Variants in ALX1 observed in about 807,000 individuals in gnomAD.
The protein encoded by ALX1 is ALX homeobox protein 1.
ALX1 carries 19 observed loss-of-function variants against 31.7 expected under a neutral mutation model. That is an observed-to-expected ratio of 0.60 (90% CI 0.42 to 0.88). ALX1 has a LOEUF of 0.88. Among genes scored for constraint, ALX1 ranks in the 40% least tolerant of loss-of-function variants. The probability of loss-of-function intolerance (pLI) is 0.00; values close to 1 mark genes in which losing one functional copy is unlikely to be tolerated. For missense variants in ALX1, 415 were observed against 407.8 expected (o/e 1.02, Z -0.15); for synonymous variants, 153 against 148.8 (o/e 1.03, Z -0.20).
chr12:85,286,258 T>C (rs894205140), intron 2 of ALX1, among the ~76,000 whole-genome samples: 3 of 151,952 alleles, frequency 2.0e-5, no homozygotes, highest in Non-Finnish European at 2.9e-5. Flanking sequence ...TATTATAATA[T>C]GTAATCTCAT....
intron 3 of ALX1, among the ~76,000 whole-genome samples, chr12:85,297,415 G>A (rs1896904770): frequency 1.3e-5 from 2 of 151,792 alleles, no homozygotes; most frequent in South Asian, 4.1e-4. Flanking sequence ...AAAAGGATTT[G>A]GGGGTTGTAT....
intron 1 of ALX1, among the ~76,000 whole-genome samples, chr12:85,282,102 TC>T (rs1264346205): frequency 1.3e-5 from 2 of 152,006 alleles, no homozygotes; most frequent in Admixed American, 6.6e-5. Flanking sequence ...ATGCTTCCCC[TC>T]CCCCATCCCT....
intron 1 of ALX1, among the ~76,000 whole-genome samples, chr12:85,283,104 A>G (rs1037336371): frequency 5.9e-5 from 9 of 152,206 alleles, no homozygotes; most frequent in African/African-American, 1.9e-4. Context: ...GGAGGAGGAT[A>G]ATAACTTTCA....
At chr12:85,291,931 C>A (rs1049795924) in intron 3 of ALX1, among the ~76,000 whole-genome samples, 1 of 151,016 alleles carries the variant, frequency 6.6e-6, no homozygotes, top group African/African-American at 2.4e-5. Flanking sequence ...AGCTTTTAGA[C>A]CTTTGGCAAA....
chr12:85,294,136 T>C (rs1269323936), intron 3 of ALX1, among the ~76,000 whole-genome samples: 6 of 151,246 alleles, frequency 4.0e-5, no homozygotes, highest in African/African-American at 1.5e-4. Context: ...TTAAAAATTT[T>C]CTGTACAAAT....
At chr12:85,289,243 T>A (rs1421544339) in intron 3 of ALX1, among the ~76,000 whole-genome samples, 1 of 151,240 alleles carries the variant, frequency 6.6e-6, no homozygotes, top group East Asian at 1.9e-4. Flanking sequence ...TTCAGAATAG[T>A]GCATATTCTG....
intron 3 of ALX1, among the ~76,000 whole-genome samples, chr12:85,287,526 A>G (rs1335392574): frequency 6.6e-6 from 1 of 151,228 alleles, no homozygotes; most frequent in Non-Finnish European, 1.5e-5. Flanking sequence ...CTTAAAACAG[A>G]GATAGAATTA....
chr12:85,287,679 T>G (rs1896767055), intron 3 of ALX1, among the ~76,000 whole-genome samples: 1 of 151,608 alleles, frequency 6.6e-6, no homozygotes. Flanking sequence ...ATATATTTCT[T>G]TTTCATATTT....
intron 3 of ALX1, among the ~76,000 whole-genome samples, chr12:85,291,892 G>A (rs553202752): frequency 4.0e-5 from 6 of 151,122 alleles, no homozygotes; most frequent in African/African-American, 1.4e-4. Flanking sequence ...AGAGAGGTGT[G>A]GGTTCAAGTT....
intron 3 of ALX1, among the ~76,000 whole-genome samples, chr12:85,300,470 A>C (rs2137395558): frequency 6.6e-6 from 1 of 152,178 alleles, no homozygotes; most frequent in South Asian, 2.1e-4. Flanking sequence ...CCATGTTTTA[A>C]AATTCTAACT....
chr12:85,287,984 G>A (rs1896770994), intron 3 of ALX1, among the ~76,000 whole-genome samples: 1 of 151,448 alleles, frequency 6.6e-6, no homozygotes, highest in Admixed American at 6.6e-5. Context: ...TACAAATTCA[G>A]TTCTTTAATG....
intron 3 of ALX1, among the ~76,000 whole-genome samples, chr12:85,291,417 A>G (rs1448727745): frequency 6.6e-6 from 1 of 151,136 alleles, no homozygotes; most frequent in Non-Finnish European, 1.5e-5. Context: ...CTTAAATTTA[A>G]AAAGTGAGCA....
chr12:85,297,741 C>A (rs971566149), intron 3 of ALX1, among the ~76,000 whole-genome samples: 2 of 151,524 alleles, frequency 1.3e-5, no homozygotes, highest in Admixed American at 6.6e-5. Context: ...CTGAGCCATA[C>A]TAAATGAATC....
chr12:85,297,038 C>T (rs976701984), intron 3 of ALX1, among the ~76,000 whole-genome samples: 4 of 151,658 alleles, frequency 2.6e-5, no homozygotes, highest in Non-Finnish European at 4.4e-5. Flanking sequence ...ATAATATGCA[C>T]ATGGATTTAT....
intron 3 of ALX1, among the ~76,000 whole-genome samples, chr12:85,297,666 T>C (rs886925522): frequency 5.3e-5 from 8 of 151,628 alleles, no homozygotes; most frequent in Admixed American, 3.3e-4. Context: ...TAGTGTTTCC[T>C]AATTTCAATT....
At chr12:85,284,398 C>T (rs1896722637) in intron 2 of ALX1, among the ~76,000 whole-genome samples, 2 of 150,258 alleles carry the variant, frequency 1.3e-5, no homozygotes, top group Admixed American at 1.3e-4. Context: ...GGAATGTTTT[C>T]ACTATGGATA....
At chr12:85,294,888 T>C (rs1304962078) in intron 3 of ALX1, among the ~76,000 whole-genome samples, 1 of 151,264 alleles carries the variant, frequency 6.6e-6, no homozygotes, top group Non-Finnish European at 1.5e-5. Flanking sequence ...TAGTATATGA[T>C]CTGTTTCTGA....
chr12:85,284,847 A>C (rs1235596964), intron 2 of ALX1, among the ~76,000 whole-genome samples: 1 of 152,108 alleles, frequency 6.6e-6, no homozygotes, highest in Non-Finnish European at 1.5e-5. Context: ...ATAAACTGCT[A>C]AAATGGGGGA....
chr12:85,297,436 G>A (rs921278737), intron 3 of ALX1, among the ~76,000 whole-genome samples: 6 of 151,540 alleles, frequency 4.0e-5, no homozygotes, highest in African/African-American at 7.3e-5. Context: ...CATCATGCCC[G>A]ATTACATTTT....
Sources: gnomAD v4.1 joint callset for allele counts (sites outside exome capture counted in the v4.1 genomes callset) on GRCh38, gnomAD v4.1.1 for gene constraint, MANE v1.5 for transcripts, NCBI Gene and HGNC (gene_info 2026-07-23, HGNC 2026-07-21) for gene names.